AGXT: variants seen among roughly 807,000 people sequenced by gnomAD.
AGXT encodes L-alanine: glyoxylate aminotransferase 1.
In AGXT, 41 loss-of-function variants were observed where a neutral mutation model predicts 46.9. That is an observed-to-expected ratio of 0.88 (90% CI 0.68 to 1.14). The LOEUF is 1.14. Ranked by LOEUF, AGXT falls within the 50% of genes most tolerant of loss-of-function variation. The pLI is 0.00. For missense variants in AGXT, 525 were observed against 522.7 expected, an observed-to-expected ratio of 1.00 and a Z score of -0.04; for synonymous variants, 244 against 227.9, an observed-to-expected ratio of 1.07 and a Z score of -0.64.
At chr2:240,873,475 G>A (rs571362210) in intron 5 of AGXT, 12 of 263,722 alleles carry the variant, frequency 4.6e-5, no homozygotes, top group African/African-American at 1.1e-4. Context: ...GGGTCACCTC[G>A]CAGGGAACCT....
chr2:240,878,233 G>A, intron 10 of AGXT, 83 bp downstream of exon 10: 1 of 1,576,286 alleles, frequency 6.3e-7, no homozygotes, highest in South Asian at 1.1e-5. Flanking sequence ...CAGGTGCAGG[G>A]GAGGCCGGGG....
chr2:240,870,989 A>G (rs2058987785), intron 3 of AGXT, among the ~76,000 whole-genome samples: 1 of 152,084 alleles, frequency 6.6e-6, no homozygotes, highest in Non-Finnish European at 1.5e-5. Flanking sequence ...CAGGAGGCCG[A>G]GTTGGAGTCT....
At chr2:240,876,345 G>A (rs961499146) in intron 8 of AGXT, among the ~76,000 whole-genome samples, 2 of 152,222 alleles carry the variant, frequency 1.3e-5, no homozygotes, top group East Asian at 1.9e-4. Context: ...ATAGGTGGGC[G>A]TGGATGTAAA....
At chr2:240,876,924 C>T in intron 8 of AGXT, 1 of 212,040 alleles carries the variant, frequency 4.7e-6, no homozygotes, top group Non-Finnish European at 9.7e-6. Context: ...TGGCAGAGTG[C>T]AGATTGCAGG....
At chr2:240,872,950 G>T (rs545497370) in intron 4 of AGXT, 29 bp from the exon 5 acceptor site, 162 of 1,606,354 alleles carry the variant, frequency 1.0e-4, no homozygotes, top group Non-Finnish European at 1.3e-4. Context: ...CTCACCTGCT[G>T]CCCTCCATTC....
At chr2:240,875,814 G>T in intron 7 of AGXT, 121 bp from the exon 8 acceptor site, 1 of 1,107,722 alleles carries the variant, frequency 9.0e-7, no homozygotes, top group Non-Finnish European at 1.4e-6. Flanking sequence ...ACTCCTCTGC[G>T]GAGGATACCG....
chr2:240,876,043 T>C, intron 8 of AGXT, 39 bp downstream of exon 8: 7 of 1,607,562 alleles, frequency 4.4e-6, no homozygotes, highest in Non-Finnish European at 6.0e-6. Flanking sequence ...ACAGGGCCAC[T>C]GGCTGGATTG....
intron 7 of AGXT, among the ~76,000 whole-genome samples, chr2:240,875,455 C>G (rs542115510): frequency 6.6e-6 from 1 of 152,218 alleles, no homozygotes; most frequent in South Asian, 2.1e-4. Context: ...CACTGTCCCC[C>G]CAGAGGTCCC....
Position 240,878,695 on chromosome 2 carries a change from C to T in AGXT, c.1072-19C>T. On this transcript the variant is annotated intron_variant, in intron 10 of 10. Transcript: ENST00000307503. Reference sequence around the variant, plus strand: ...GTCCCAGGCGGGAGGCTGACGTCAGCCCGCCCTGTGCCCCCCAGGTGCTGC... The same window carrying T: ...GTCCCAGGCGGGAGGCTGACGTCAGTCCGCCCTGTGCCCCCCAGGTGCTGC... 1 of 1,542,376 alleles carries T rather than the reference C, an allele frequency of 6.5e-7. No individual in the cohort carries two copies. Among genetic ancestry groups the T allele is most frequent in the Non-Finnish European group, 8.7e-7 (1 of 1,147,330 alleles).
At chr2:240,872,449 C>T (rs4414673) in intron 4 of AGXT, among the ~76,000 whole-genome samples, 2,351 of 47,634 alleles carry the variant, frequency 0.049, no homozygotes, top group Non-Finnish European at 0.069. Flanking sequence ...CGTGAACATG[C>T]AGGAGGAGGA....
At position 240,871,308 on chromosome 2, in the gene AGXT, G is replaced by A. The variant is rs368587594; in HGVS notation, c.424-41G>A. On this transcript the variant is annotated intron_variant, in intron 3 of 10. Transcript: ENST00000307503. ...GGTTTGTGGGGGTGTTCTGGCCCCTGCCCCTCTGAGCTCCACCCACAGCCG... is the reference window on the plus strand; with the variant it reads ...GGTTTGTGGGGGTGTTCTGGCCCCTACCCCTCTGAGCTCCACCCACAGCCG... 7.7e-5 allele frequency: 118 copies of A among 1,526,384 alleles called. No individual in the cohort carries two copies. In the African/African-American group the frequency reaches 1.5e-3, roughly 20 times the overall value. 94.6% of individuals were successfully genotyped at this position (1,526,384 alleles called of 1,614,324 possible).
In AGXT at chr2:240,878,115, G is replaced by A. The variant is rs746753585; in HGVS notation, c.1036G>A (p.Glu346Lys). 2.2e-5 allele frequency: 35 copies of A among 1,613,306 alleles called. No individual in the cohort carries two copies. The highest frequency in any genetic ancestry group is 1.6e-4 in the Middle Eastern group (1 of 6,062). The change falls in exon 10 of 11, where the codon GAG becomes AAG. Residue 346 changes from glutamate to lysine, a missense_variant. Physicochemically the swap from Glu to Lys is moderately conservative, Grantham distance 56. Coordinates refer to ENST00000307503, the MANE Select transcript of AGXT (RefSeq NM_000030.3). ...CTACGTCATAGACCACTTCGACATT[G>A]AGATCATGGGTGGCCTTGGGCCCTC... ...VSYVIDHFDI[E>K]IMGGLGPSTG...
In AGXT at chr2:240,870,656, A is replaced by C. The variant is rs180177211; in HGVS notation, c.371A>C (p.His124Pro). 14 of 1,553,164 alleles carry C rather than the reference A, an allele frequency of 9.0e-6. No homozygotes were observed. Among genetic ancestry groups the C allele is most frequent in the South Asian group, 1.2e-5 (1 of 84,250 alleles). ...GTCCTGCACCCAGGAGCCCGAGTGC[A>C]CCCGATGACCAAGGACCCTGGAGGC... ...DIGERIGARVHPMTKDPGGHY... is the reference protein window; with the variant it reads ...DIGERIGARVPPMTKDPGGHY... Residue 124 changes from histidine to proline, a missense_variant, in exon 3 of 11, where the codon CAC (histidine) becomes CCC (proline). Transcript: ENST00000307503.
chr2:240,875,355 G>A (rs1188624253), intron 7 of AGXT, 151 bp downstream of exon 7: 4 of 691,048 alleles, frequency 5.8e-6, no homozygotes, highest in African/African-American at 1.8e-5. Context: ...CCTGCATCAG[G>A]CAGTCAAATG....
rs981364665 is a variant in AGXT, at chr2:240,871,399, G to A, written c.474G>A (p.Ser158=). The A allele has an allele frequency of 5.6e-6, 9 of 1,600,548 alleles. 1 individual carries two copies. The highest frequency in any genetic ancestry group is 5.4e-5 in the African/African-American group (4 of 74,700). Reference sequence around the variant, plus strand: ...TGCTGTTCTTAACCCACGGGGAGTCGTCCACCGGCGTGCTGCAGCCCCTTG... The same window carrying A: ...TGCTGTTCTTAACCCACGGGGAGTCATCCACCGGCGTGCTGCAGCCCCTTG... ...PVLLFLTHGE[S]STGVLQPLDG... The change falls in exon 4 of 11, where the codon TCG becomes TCA. Residue 158 remains serine (S), a synonymous_variant. Coordinates refer to ENST00000307503, the MANE Select transcript of AGXT (RefSeq NM_000030.3).
chr2:240,869,226 C>G lies in AGXT; in HGVS notation c.222C>G (p.Leu74=). ...ACGTGTTCCAGACCAGGAACCCACTCACACTGGTCATCTCTGGCTCGGGAC... is the reference window on the plus strand; with the variant it reads ...ACGTGTTCCAGACCAGGAACCCACTGACACTGGTCATCTCTGGCTCGGGAC... ...IQYVFQTRNP[L]TLVISGSGHC... is the part of the protein sequence containing the mutation. Residue 74 remains leucine, a synonymous_variant, in exon 2 of 11, where the codon CTC becomes CTG. Transcript: ENST00000307503. The G allele has an allele frequency of 1.3e-6, 2 of 1,599,932 alleles. No individual in the cohort carries two copies.
Position 240,873,638 on chromosome 2 carries a change from CAGGA to C in AGXT, c.596-336_596-333del, listed in dbSNP as rs564378243. Among the ~76,000 whole-genome samples the C allele has an allele frequency of 5.3e-5, 8 of 152,290 alleles. No individual in the cohort carries two copies. In the South Asian group the frequency reaches 1.5e-3, roughly 28 times the overall value. On this transcript the variant is annotated intron_variant, in intron 5 of 10. Coordinates refer to ENST00000307503, the MANE Select transcript of AGXT (RefSeq NM_000030.3). ...CCCTCCTGATTTGGGAGTTCTCAGG[CAGGA>C]AGGGAGGGATTTCTGGGCTGATCCT...
chr2:240,870,759 T>C (rs1417989077), intron 3 of AGXT, 51 bp downstream of exon 3: 1 of 1,527,188 alleles, frequency 6.5e-7, no homozygotes, highest in Non-Finnish European at 8.9e-7. Flanking sequence ...GGAGTGGGCA[T>C]GCTGGCTCAG....
intron 8 of AGXT, 187 bp from the exon 9 acceptor site, chr2:240,877,350 A>G (rs1418527399): frequency 2.0e-5 from 14 of 702,890 alleles, no homozygotes; most frequent in African/African-American, 1.4e-4. Context: ...TCTCTCCCAG[A>G]CCCAGATGTT....
Sources: allele counts gnomAD v4.1 joint callset (sites outside exome capture counted in the v4.1 genomes callset), GRCh38; gene constraint gnomAD v4.1.1; transcripts MANE v1.5; gene names NCBI Gene and HGNC (gene_info 2026-07-23, HGNC 2026-07-21).